The following HERC3 variants were observed in gnomAD, a reference collection of about 807,000 sequenced individuals.
HERC3 encodes the protein HECT and RLD domain containing E3 ubiquitin protein ligase 3.
HERC3 carries 58 observed loss-of-function variants against 129.9 expected under a neutral mutation model. The observed-to-expected ratio is 0.45, with a 90% CI of 0.36 to 0.56. The LOEUF (loss-of-function observed/expected upper bound fraction) is 0.56. Among genes scored for constraint, HERC3 ranks in the 20% least tolerant of loss-of-function variants. The pLI, the probability that HERC3 is intolerant of heterozygous loss-of-function variation, is 0.00. For synonymous variants in HERC3, 430 were observed against 451.0 expected (o/e 0.95, Z 0.59); for missense variants, 835 against 1,244.2 (o/e 0.67, Z 4.95).
intron 12 of HERC3, among the ~76,000 whole-genome samples, chr4:88,664,814 G>A (rs1443381033): frequency 6.6e-6 from 1 of 151,972 alleles, no homozygotes; most frequent in African/African-American, 2.4e-5. Flanking sequence ...AGGCTTCAGG[G>A]GCTCCTTGGA....
chr4:88,686,698 G>T, intron 21 of HERC3, 38 bp from the exon 22 acceptor site: 1 of 1,385,982 alleles, frequency 7.2e-7, no homozygotes, highest in South Asian at 1.2e-5. Context: ...AGCAGTGTCT[G>T]ACTTGCCACT....
intron 16 of HERC3, among the ~76,000 whole-genome samples, chr4:88,674,101 A>T (rs1375849138): frequency 6.6e-6 from 1 of 152,166 alleles, no homozygotes; most frequent in African/African-American, 2.4e-5. Context: ...CAGTAGAAAG[A>T]TCAGCCCGCT....
In HERC3 at chr4:88,604,934, G is replaced by A. The variant is rs541049677; in HGVS notation, c.-29-861G>A. ...CATCATTGTGGTGTGAATTGGTAGC[G>A]AGAGATGAGATTTTTTTTTGTTTGT... On this transcript the variant is annotated intron_variant, in intron 2 of 25. Transcript: ENST00000402738. Among the ~76,000 whole-genome samples, 7 of 152,098 alleles carry A rather than the reference G, an allele frequency of 4.6e-5. No individual in the cohort carries two copies. The East Asian group carries it at 5.8e-4, about 13-fold the overall frequency.
chr4:88,644,859 AAATGTTTAGACC>A (rs1728523888), intron 3 of HERC3, among the ~76,000 whole-genome samples: 1 of 152,178 alleles, frequency 6.6e-6, no homozygotes, highest in African/African-American at 2.4e-5. Context: ...AGATACCCCA[AAATGTTTAGACC>A]AAAGTAATTA....
chr4:88,598,759 C>T (rs1722672277), intron 2 of HERC3, among the ~76,000 whole-genome samples: 1 of 152,182 alleles, frequency 6.6e-6, no homozygotes, highest in Non-Finnish European at 1.5e-5. Context: ...TAATGTAGGG[C>T]TTGGATTTTA....
chr4:88,697,273 G>A, intron 23 of HERC3: 1 of 1,589,412 alleles, frequency 6.3e-7, no homozygotes, highest in Non-Finnish European at 8.6e-7. Flanking sequence ...GGCAGCCTCT[G>A]CCGCAGCCTC....
chr4:88,575,229 T>A, the HERC3 span, among the ~76,000 whole-genome samples: 27 of 152,378 alleles, frequency 1.8e-4, no homozygotes, highest in South Asian at 4.6e-3. Context: ...TGTATCCTCC[T>A]CTATAGGATT....
At chr4:88,694,032 G>A (rs1489914598) in intron 23 of HERC3, among the ~76,000 whole-genome samples, 6 of 152,140 alleles carry the variant, frequency 3.9e-5, no homozygotes, top group Non-Finnish European at 8.8e-5. Context: ...ATCGCTTGAC[G>A]TCACAAACAT....
At chr4:88,635,942 C>A (rs1727335609) in intron 3 of HERC3, among the ~76,000 whole-genome samples, 1 of 152,130 alleles carries the variant, frequency 6.6e-6, no homozygotes, top group African/African-American at 2.4e-5. Context: ...TTCAGATAAG[C>A]AAATGCTGAG....
At chr4:88,680,021 A>G (rs1732593894) in intron 19 of HERC3, 72 bp from the exon 20 acceptor site, 1 of 1,334,596 alleles carries the variant, frequency 7.5e-7, no homozygotes, top group Non-Finnish European at 1.0e-6. Flanking sequence ...AGTTTAGAAA[A>G]TGGTCTGCTA....
intron 16 of HERC3, among the ~76,000 whole-genome samples, chr4:88,675,823 A>G (rs758245336): frequency 2.0e-5 from 3 of 151,894 alleles, no homozygotes; most frequent in South Asian, 4.2e-4. Context: ...TGTGTGTAGG[A>G]AGATGCAACA....
the HERC3 span, among the ~76,000 whole-genome samples, chr4:88,581,145 C>G: frequency 6.6e-6 from 1 of 152,120 alleles, no homozygotes; most frequent in Admixed American, 6.6e-5. Context: ...CAGCTTGGTA[C>G]TGATAATTCC....
At chr4:88,616,375 T>C (rs960075043) in intron 3 of HERC3, among the ~76,000 whole-genome samples, 2 of 152,218 alleles carry the variant, frequency 1.3e-5, no homozygotes. Flanking sequence ...CTGTGGGCAC[T>C]GTGGTACACC....
chr4:88,644,418 C>G (rs1728472353), intron 3 of HERC3, among the ~76,000 whole-genome samples: 1 of 152,124 alleles, frequency 6.6e-6, no homozygotes, highest in Non-Finnish European at 1.5e-5. Flanking sequence ...GTGGAATACT[C>G]CTTACCAATA....
the HERC3 span, among the ~76,000 whole-genome samples, chr4:88,557,523 G>A: frequency 2.6e-5 from 4 of 151,894 alleles, no homozygotes; most frequent in East Asian, 1.9e-4. Flanking sequence ...ATTCACATAC[G>A]TGTGTGTGTG....
chr4:88,632,140 T>C (rs1726843332), intron 3 of HERC3, among the ~76,000 whole-genome samples: 1 of 152,174 alleles, frequency 6.6e-6, no homozygotes, highest in Non-Finnish European at 1.5e-5. Context: ...TGAATGCAAC[T>C]CCATATAGTT....
chr4:88,612,739 A>G (rs1486589262), intron 3 of HERC3, among the ~76,000 whole-genome samples: 2 of 151,970 alleles, frequency 1.3e-5, no homozygotes, highest in African/African-American at 4.8e-5. Flanking sequence ...TTATTTTATA[A>G]TTTTCTAAGA....
At chr4:88,532,307 G>GAT in the HERC3 span, among the ~76,000 whole-genome samples, 7 of 152,288 alleles carry the variant, frequency 4.6e-5, no homozygotes, top group Admixed American at 3.9e-4. Flanking sequence ...GAAAGCTGGT[G>GAT]ATATAACTCA....
At chr4:88,690,069 GT>G in intron 23 of HERC3, 1 of 985,312 alleles carries the variant, frequency 1.0e-6, no homozygotes, top group South Asian at 4.7e-5. Context: ...ACTGGCTTCA[GT>G]TGATGGAATT....
Sources: gnomAD v4.1 joint callset for allele counts (sites outside exome capture counted in the v4.1 genomes callset) on GRCh38, gnomAD v4.1.1 for gene constraint, MANE v1.5 for transcripts, NCBI Gene and HGNC (gene_info 2026-07-23, HGNC 2026-07-21) for gene names.